ADCY2: variants seen among roughly 807,000 people sequenced by gnomAD.
The protein encoded by ADCY2 is adenylate cyclase type 2.
Under a neutral mutation model 125.2 loss-of-function variants are expected in ADCY2, and 31 were observed. That is an observed-to-expected ratio of 0.25 (90% CI 0.19 to 0.33). The LOEUF (loss-of-function observed/expected upper bound fraction) is 0.33, where lower values mean the gene tolerates loss of function less well. ADCY2 is among the 10% of genes least tolerant of loss of function. The pLI, the probability that ADCY2 is intolerant of heterozygous loss-of-function variation, is 1.00. For synonymous variants in ADCY2, 512 were observed against 548.4 expected, an observed-to-expected ratio of 0.93 and a Z score of 0.93; for missense variants, 904 against 1,418.2, an observed-to-expected ratio of 0.64 and a Z score of 5.82.
chr5:7,662,547 CT>C (rs1397572343), intron 4 of ADCY2, among the ~76,000 whole-genome samples: 1 of 152,220 alleles, frequency 6.6e-6, no homozygotes, highest in Non-Finnish European at 1.5e-5. Flanking sequence ...GCAGCACTGC[CT>C]TCAGTTCTAT....
At chr5:7,692,530 A>C (rs4702487) in intron 5 of ADCY2, among the ~76,000 whole-genome samples, 141,287 of 152,266 alleles carry the variant, frequency 0.93, 66,446 homozygotes, top group East Asian at 1. Flanking sequence ...GGTTTGTGAG[A>C]GTTTTGCCTA....
intron 2 of ADCY2, among the ~76,000 whole-genome samples, chr5:7,474,129 A>G (rs574737023): frequency 4.6e-5 from 7 of 152,310 alleles, no homozygotes; most frequent in African/African-American, 1.7e-4. Flanking sequence ...TTTCTTTGTG[A>G]TAGGCTTGGA....
intron 3 of ADCY2, among the ~76,000 whole-genome samples, chr5:7,607,645 A>G (rs1023446929): frequency 6.6e-6 from 1 of 152,228 alleles, no homozygotes; most frequent in Admixed American, 6.5e-5. Flanking sequence ...AATCAATGAC[A>G]TGATTTAAAA....
chr5:7,709,435 C>A lies in ADCY2; in HGVS notation c.1578+48C>A. 7 of 1,497,638 alleles carry A rather than the reference C, an allele frequency of 4.7e-6. No individual in the cohort carries two copies. The highest frequency in any genetic ancestry group is 6.2e-6 in the Non-Finnish European group (7 of 1,123,710). The allele number at this position is 1,497,638 out of a possible 1,614,324, so 92.8% of individuals were successfully genotyped here. ...TGCCTGAGCACTGGGGGAAAGCTAA[C>A]TTCCCAAAACCAAAGGCTGGGCATC... On this transcript the variant is annotated intron_variant, in intron 10 of 24. Transcript: ENST00000338316. This position sits in a 1 kb window ranked among gnomAD's most constrained non-coding sequence, Gnocchi z 4.4.
At position 7,784,347 on chromosome 5, in the gene ADCY2, C is replaced by T; in HGVS notation, c.2385-18C>T. The T allele has an allele frequency of 6.3e-7, 1 of 1,587,740 alleles. No homozygotes were observed. The highest frequency in any genetic ancestry group is 8.6e-7 in the Non-Finnish European group (1 of 1,156,694). The stretch of plus-strand genomic sequence containing the variant: ...TTTTGTTGCATTGTTGTCTGTTTGT[C>T]TGTCTGTTTTTTAATAGACCAGGCA... On this transcript the variant is annotated intron_variant, in intron 18 of 24. Coordinates refer to ENST00000338316, the MANE Select transcript of ADCY2 (RefSeq NM_020546.3).
intron 16 of ADCY2, among the ~76,000 whole-genome samples, chr5:7,760,822 T>C (rs1038081076): frequency 6.6e-6 from 1 of 152,142 alleles, no homozygotes; most frequent in South Asian, 2.1e-4. Flanking sequence ...ATTAACTAAG[T>C]CCTCCAGCTG....
intron 24 of ADCY2, among the ~76,000 whole-genome samples, chr5:7,821,690 G>T (rs1220446125): frequency 6.6e-6 from 1 of 152,236 alleles, no homozygotes; most frequent in Admixed American, 6.5e-5. Context: ...GAGGACTTCA[G>T]CTGGCCTGTG....
intron 14 of ADCY2, among the ~76,000 whole-genome samples, chr5:7,733,034 T>G (rs943700898): frequency 6.6e-6 from 1 of 152,252 alleles, no homozygotes; most frequent in Non-Finnish European, 1.5e-5. Context: ...CTTTTTTTGC[T>G]TTTAAGTAGT....
chr5:7,474,955 G>T (rs937026674), intron 2 of ADCY2, among the ~76,000 whole-genome samples: 1 of 152,238 alleles, frequency 6.6e-6, no homozygotes, highest in Non-Finnish European at 1.5e-5. Flanking sequence ...CCTGAGTGGG[G>T]AAGGGTATCC....
chr5:7,775,830 A>G (rs574838524), intron 18 of ADCY2, among the ~76,000 whole-genome samples: 24 of 152,348 alleles, frequency 1.6e-4, no homozygotes, highest in African/African-American at 5.8e-4. Flanking sequence ...TGATCCCTGA[A>G]CGGGCTGCAC....
rs940335795 is a variant in ADCY2, at chr5:7,828,921, AAC to A, written c.*2052_*2053del. 204 of 152,466 alleles carry A rather than the reference AAC, an allele frequency of 1.3e-3. No homozygotes were observed. Among genetic ancestry groups the A allele is most frequent in the African/African-American group, 4.6e-3 (193 of 41,556 alleles). The allele number at this position is 152,466 out of a possible 1,614,324, so 9.4% of individuals were successfully genotyped here. ...CTGGGTGGTCCACCAAGTTCTCATA[AAC>A]AGAGTCCCTCCCATTCCCCCACGGG... is the stretch of plus-strand genomic sequence containing the variant. On this transcript the variant is annotated 3_prime_UTR_variant, in exon 25 of 25. Transcript: ENST00000338316.
At chr5:7,774,535 A>G (rs891930576) in intron 18 of ADCY2, among the ~76,000 whole-genome samples, 1 of 152,258 alleles carries the variant, frequency 6.6e-6, no homozygotes, top group Admixed American at 6.5e-5. Context: ...CAGCAAAAGA[A>G]GAAATCAGAT....
At chr5:7,463,732 C>A (rs529918873) in intron 2 of ADCY2, among the ~76,000 whole-genome samples, 10 of 152,132 alleles carry the variant, frequency 6.6e-5, no homozygotes, top group African/African-American at 2.2e-4. Context: ...CTCTTCCCCT[C>A]CAGAAAAATT....
chr5:7,646,577 A>G (rs560940028), intron 4 of ADCY2, among the ~76,000 whole-genome samples: 4 of 152,290 alleles, frequency 2.6e-5, no homozygotes, highest in Admixed American at 1.3e-4. Flanking sequence ...TGAATTATGC[A>G]GTTTAGTACT....
intron 3 of ADCY2, among the ~76,000 whole-genome samples, chr5:7,621,242 C>T (rs758584579): frequency 2.0e-5 from 3 of 152,190 alleles, no homozygotes; most frequent in Non-Finnish European, 2.9e-5. Context: ...CCTCACTCTC[C>T]TCTAAACACG....
chr5:7,576,763 C>T (rs1736266212), intron 3 of ADCY2, among the ~76,000 whole-genome samples: 1 of 152,080 alleles, frequency 6.6e-6, no homozygotes, highest in Non-Finnish European at 1.5e-5. Flanking sequence ...AACCATTTTA[C>T]CCACACCCCC....
At chr5:7,630,257 G>A (rs1738270606) in intron 4 of ADCY2, among the ~76,000 whole-genome samples, 1 of 152,120 alleles carries the variant, frequency 6.6e-6, no homozygotes, top group Non-Finnish European at 1.5e-5. Flanking sequence ...GGTCATGGCT[G>A]GGTAGATAAT....
chr5:7,735,857 C>A (rs1742233943), intron 14 of ADCY2, among the ~76,000 whole-genome samples: 2 of 152,158 alleles, frequency 1.3e-5, no homozygotes, highest in Non-Finnish European at 1.5e-5. Context: ...GTTCCCTTCC[C>A]TTCCATTTTA....
intron 2 of ADCY2, among the ~76,000 whole-genome samples, chr5:7,459,032 C>T (rs569389593): frequency 1.3e-5 from 2 of 152,130 alleles, no homozygotes; most frequent in South Asian, 2.1e-4. Context: ...GTTTTTCACT[C>T]AGGTCTGTGC....
Sources: gnomAD v4.1 joint callset for allele counts (sites outside exome capture counted in the v4.1 genomes callset) on GRCh38, gnomAD v4.1.1 for gene constraint, Gnocchi (gnomAD v3.1) non-coding constraint, MANE v1.5 for transcripts, NCBI Gene and HGNC (gene_info 2026-07-23, HGNC 2026-07-21) for gene names.